Variants in TYW1 observed in about 807,000 individuals in gnomAD.
The protein encoded by TYW1 is tRNA-yW synthesizing protein 1 homolog.
In TYW1, 46 loss-of-function variants were observed where a neutral mutation model predicts 96.2. That is an observed-to-expected ratio of 0.48 (90% CI 0.38 to 0.61). The LOEUF (loss-of-function observed/expected upper bound fraction) is 0.61. TYW1 is among the 20% of genes least tolerant of loss of function. The probability of loss-of-function intolerance (pLI) is 0.00; values close to 1 mark genes in which losing one functional copy is unlikely to be tolerated. For synonymous variants in TYW1, 274 were observed against 323.0 expected, an observed-to-expected ratio of 0.85 and a Z score of 1.63; for missense variants, 684 against 909.6, an observed-to-expected ratio of 0.75 and a Z score of 3.19.
chr7:66,997,371 G>C (rs1438758306), intron 1 of TYW1, among the ~76,000 whole-genome samples: 2 of 151,850 alleles, frequency 1.3e-5, no homozygotes, highest in African/African-American at 4.8e-5. Flanking sequence ...TCTTTTACAA[G>C]TTTAACCGTG....
intron 13 of TYW1, among the ~76,000 whole-genome samples, chr7:67,178,337 G>C (rs1263653798): frequency 1.3e-5 from 2 of 152,244 alleles, no homozygotes; most frequent in African/African-American, 4.8e-5. Flanking sequence ...TAAGTACCAT[G>C]CACTCTACTG....
intron 13 of TYW1, among the ~76,000 whole-genome samples, chr7:67,132,178 A>G (rs1798097732): frequency 6.7e-6 from 1 of 148,668 alleles, no homozygotes; most frequent in African/African-American, 2.6e-5. Flanking sequence ...AAGTATGATC[A>G]TGGCTCACCA....
intron 15 of TYW1, among the ~76,000 whole-genome samples, chr7:67,236,506 G>A (rs1384964265): frequency 6.6e-6 from 1 of 152,184 alleles, no homozygotes; most frequent in Non-Finnish European, 1.5e-5. Flanking sequence ...CTGCAGTTTC[G>A]AGGCTCAGTG....
chr7:67,045,168 T>C (rs1362307840), intron 7 of TYW1, among the ~76,000 whole-genome samples: 3 of 152,124 alleles, frequency 2.0e-5, no homozygotes, highest in Non-Finnish European at 4.4e-5. Flanking sequence ...TCTGGGATGA[T>C]GGTATCAAAA....
intron 13 of TYW1, among the ~76,000 whole-genome samples, chr7:67,143,213 G>A (rs540157508): frequency 3.3e-5 from 5 of 152,148 alleles, no homozygotes; most frequent in East Asian, 3.9e-4. Context: ...GTGCTAGGCC[G>A]GGGCATATAG....
chr7:67,157,561 C>T (rs190938466), intron 13 of TYW1, among the ~76,000 whole-genome samples: 1 of 152,360 alleles, frequency 6.6e-6, no homozygotes, highest in East Asian at 1.9e-4. Context: ...ATTGGGATTA[C>T]AGGTGTGAGC....
At chr7:67,102,923 A>G (rs1209195189) in intron 12 of TYW1, among the ~76,000 whole-genome samples, 1 of 152,238 alleles carries the variant, frequency 6.6e-6, no homozygotes, top group African/African-American at 2.4e-5. Context: ...TGCTGGGATT[A>G]TAGGCGTGAG....
chr7:67,172,979 G>A (rs566699855), intron 13 of TYW1, among the ~76,000 whole-genome samples: 8 of 152,020 alleles, frequency 5.3e-5, no homozygotes, highest in African/African-American at 1.9e-4. Context: ...AAATTAACTG[G>A]GTATGGTGAT....
rs71049495 is a variant in TYW1 at position 67,080,940 on chromosome 7, G to GTTTTTTTTTTTT, written c.1275-2474_1275-2463dup. On this transcript the variant is annotated intron_variant, in intron 10 of 15. Transcript: ENST00000359626. ...TGTATATTGTTTTTGCTTTCTTACT[G>GTTTTTTTTTTTT]TTTTTTTTTTTTTTTTTTTTTTTTT... Among the ~76,000 whole-genome samples the GTTTTTTTTTTTT allele has an allele frequency of 7.2e-4, 27 of 37,250 alleles. 1 individual carries two copies. Among genetic ancestry groups the GTTTTTTTTTTTT allele is most frequent in the African/African-American group, 1.1e-3 (10 of 8,846 alleles). The allele number at this position is 37,250 out of a possible 152,430, so 24.4% of individuals were successfully genotyped here.
intron 7 of TYW1, among the ~76,000 whole-genome samples, chr7:67,048,834 C>T (rs1011716788): frequency 1.3e-5 from 2 of 152,206 alleles, no homozygotes; most frequent in African/African-American, 4.8e-5. Flanking sequence ...TCAGACCAGC[C>T]TGGCCAACAT....
chr7:67,194,828 C>T (rs1800336834), intron 14 of TYW1, among the ~76,000 whole-genome samples: 1 of 146,034 alleles, frequency 6.8e-6, no homozygotes, highest in South Asian at 2.2e-4. Flanking sequence ...CATAATTCCT[C>T]AATTATAGTG....
At chr7:67,218,064 G>A (rs1354585282) in intron 15 of TYW1, among the ~76,000 whole-genome samples, 1 of 151,348 alleles carries the variant, frequency 6.6e-6, no homozygotes, top group Non-Finnish European at 1.5e-5. Context: ...TCACCATGTT[G>A]GCCAGGCTGG....
chr7:67,101,091 C>T lies in TYW1; in HGVS notation c.1562+2373C>T, dbSNP rs1475594460. Among the ~76,000 whole-genome samples, 6 of 152,046 alleles carry T rather than the reference C, an allele frequency of 3.9e-5. No individual in the cohort carries two copies. The East Asian group carries it at 1.2e-3, about 29-fold the overall frequency. ...GAGGGAGAGGTGGTGTGTGTCTGTT[C>T]TCATACCTCTTTCTGCAGCCGCAGG... is the stretch of plus-strand genomic sequence containing the variant. On this transcript the variant is annotated intron_variant, in intron 12 of 15. Coordinates refer to ENST00000359626, the MANE Select transcript of TYW1 (RefSeq NM_018264.4).
At chr7:67,103,208 A>G (rs1797142976) in intron 12 of TYW1, among the ~76,000 whole-genome samples, 1 of 152,200 alleles carries the variant, frequency 6.6e-6, no homozygotes, top group Non-Finnish European at 1.5e-5. Context: ...TATGGGAAGA[A>G]TTTCTGATAA....
chr7:67,096,020 G>C (rs567534420), intron 11 of TYW1, among the ~76,000 whole-genome samples: 5 of 152,290 alleles, frequency 3.3e-5, no homozygotes, highest in African/African-American at 1.2e-4. Context: ...GCCTTTACAT[G>C]CATTATCTCA....
chr7:67,198,050 T>G (rs1800462347), intron 15 of TYW1, among the ~76,000 whole-genome samples: 1 of 147,402 alleles, frequency 6.8e-6, no homozygotes, highest in Admixed American at 6.9e-5. Flanking sequence ...TTGCCCTAAA[T>G]GTTTCAGTGT....
intron 13 of TYW1, among the ~76,000 whole-genome samples, chr7:67,118,452 A>G (rs1455551379): frequency 6.6e-6 from 1 of 152,166 alleles, no homozygotes; most frequent in Non-Finnish European, 1.5e-5. Flanking sequence ...TGTAAATGCC[A>G]TGTAAGTGGT....
chr7:67,152,331 T>TATA (rs1798828432), intron 13 of TYW1, among the ~76,000 whole-genome samples: 1 of 152,236 alleles, frequency 6.6e-6, no homozygotes. Flanking sequence ...CTATCTATAA[T>TATA]GGCTTCCTCG....
rs111938906 is a variant in TYW1 at position 67,113,499 on chromosome 7, G to A, written c.1563-3984G>A. On this transcript the variant is annotated intron_variant, in intron 12 of 15. Transcript: ENST00000359626. Reference sequence around the variant, plus strand: ...GGAATACCGTTTGTTACATGTAACCGCTGTGACTTGAACACTGAGCCACAC... The same window carrying A: ...GGAATACCGTTTGTTACATGTAACCACTGTGACTTGAACACTGAGCCACAC... 4.7e-4 allele frequency among the ~76,000 whole-genome samples: 71 copies of A among 152,258 alleles called. 1 individual carries two copies. Among genetic ancestry groups the A allele is most frequent in the African/African-American group, 1.7e-3 (69 of 41,552 alleles).
Sources: gnomAD v4.1 joint callset for allele counts (sites outside exome capture counted in the v4.1 genomes callset) on GRCh38, gnomAD v4.1.1 for gene constraint, MANE v1.5 for transcripts, NCBI Gene and HGNC (gene_info 2026-07-23, HGNC 2026-07-21) for gene names.